GPC3: variants seen among roughly 807,000 people sequenced by gnomAD.
The protein encoded by GPC3 is glypican-3.
GPC3 carries 3 observed loss-of-function variants against 34.4 expected under a neutral mutation model. The observed-to-expected ratio is 0.09, with a 90% confidence interval of 0.04 to 0.23. GPC3 has a LOEUF of 0.23. GPC3 is among the 10% of genes least tolerant of loss of function. The pLI is 1.00. For missense variants in GPC3, 351 were observed against 445.6 expected, an observed-to-expected ratio of 0.79 and a Z score of 1.91; for synonymous variants, 177 against 174.0, an observed-to-expected ratio of 1.02 and a Z score of -0.13.
intron 7 of GPC3, among the ~76,000 whole-genome samples, chrX:133,584,833 G>A (rs769683733): frequency 9.3e-6 from 1 of 107,772 alleles, no homozygotes; most frequent in South Asian, 4.2e-4. Flanking sequence ...GTCCACCAAT[G>A]AGCTACAAAT....
intron 5 of GPC3, among the ~76,000 whole-genome samples, chrX:133,665,059 A>AT (rs1682932924): frequency 8.9e-6 from 1 of 112,069 alleles, no homozygotes; most frequent in South Asian, 3.7e-4. Context: ...TGCCTTACTG[A>AT]TTAACAGTAA....
intron 5 of GPC3, among the ~76,000 whole-genome samples, chrX:133,663,685 T>C (rs2070745438): frequency 9.0e-6 from 1 of 111,721 alleles, no homozygotes; most frequent in African/African-American, 3.3e-5. Flanking sequence ...TGAATTTCAA[T>C]TTTCAGTCAC....
chrX:133,562,187 C>T (rs1310172961), intron 7 of GPC3, among the ~76,000 whole-genome samples: 1 of 111,254 alleles, frequency 9.0e-6, no homozygotes, highest in East Asian at 2.8e-4. Flanking sequence ...TGTTTGGGTA[C>T]CTTGGAATAT....
chrX:133,869,274 C>CAA (rs1166418384), intron 2 of GPC3, among the ~76,000 whole-genome samples: 2 of 111,910 alleles, frequency 1.8e-5, no homozygotes, highest in Non-Finnish European at 3.8e-5. Flanking sequence ...ATGTTGCTCA[C>CAA]AAAAAGAGTC....
At chrX:133,863,789 G>C (rs1401445617) in intron 2 of GPC3, among the ~76,000 whole-genome samples, 3 of 102,648 alleles carry the variant, frequency 2.9e-5, no homozygotes, top group South Asian at 9.1e-4. Context: ...CCGAGTAGCT[G>C]GGACTACAGG....
At chrX:133,654,711 C>CAAAAAAAAAAAAAA (rs200711396) in intron 6 of GPC3, among the ~76,000 whole-genome samples, 1 of 95,400 alleles carries the variant, frequency 1.0e-5, no homozygotes, top group African/African-American at 4.9e-5. Context: ...GACTCCGTCT[C>CAAAAAAAAAAAAAA]AAAAAACAAA....
intron 2 of GPC3, among the ~76,000 whole-genome samples, chrX:133,820,100 T>G (rs777572850): frequency 7.2e-5 from 8 of 111,717 alleles, no homozygotes; most frequent in African/African-American, 2.3e-4. Flanking sequence ...CAATAATAAC[T>G]TAGATGCCTG....
chrX:133,571,323 C>T lies in GPC3; in HGVS notation c.1573+25117G>A, dbSNP rs143676758. On this transcript the variant is annotated intron_variant, in intron 7 of 7. Coordinates refer to ENST00000370818, the MANE Select transcript of GPC3 (RefSeq NM_004484.4). ...ACTCACACTCAGCCATTGTGCTCTG[C>T]GCATTTAGGTTGGCTACTTTTTTTG... Among the ~76,000 whole-genome samples the T allele has an allele frequency of 6.5e-3, 732 of 111,985 alleles. 5 individuals carry two copies. The highest frequency in any genetic ancestry group is 0.018 in the Middle Eastern group (4 of 217).
chrX:133,778,717 C>T (rs1349620630), intron 2 of GPC3, among the ~76,000 whole-genome samples: 1 of 111,490 alleles, frequency 9.0e-6, no homozygotes, highest in Non-Finnish European at 1.9e-5. Flanking sequence ...AGGTTGTCTT[C>T]TTGACCTGGG....
intron 2 of GPC3, among the ~76,000 whole-genome samples, chrX:133,891,729 G>A (rs1253120336): frequency 9.4e-6 from 1 of 106,351 alleles, no homozygotes; most frequent in South Asian, 4.2e-4. Flanking sequence ...AGTTCAGGAG[G>A]TGGAGGCTGC....
chrX:133,646,448 T>C (rs1386818017), intron 6 of GPC3, among the ~76,000 whole-genome samples: 3 of 111,801 alleles, frequency 2.7e-5, no homozygotes, highest in African/African-American at 9.8e-5. Flanking sequence ...GGGGGAGGTA[T>C]GCCAAAGATT....
intron 5 of GPC3, among the ~76,000 whole-genome samples, chrX:133,670,779 C>T (rs1160831634): frequency 3.6e-5 from 4 of 112,092 alleles, no homozygotes; most frequent in Non-Finnish European, 5.6e-5. Context: ...CCTAAGAAAA[C>T]GTCCTTTTCT....
At position 133,693,156 on chromosome X, in the gene GPC3, AGTGTGTGTGTGT is replaced by A. The variant is rs57735935; in HGVS notation, c.1167-674_1167-663del. ...TTTTTGTGCTACATATAATAAGACA[AGTGTGTGTGTGT>A]GTGTGTGTGTGTGTGTGTGTGTGTG... On this transcript the variant is annotated intron_variant, in intron 4 of 7. Coordinates refer to ENST00000370818, the MANE Select transcript of GPC3 (RefSeq NM_004484.4). Among the ~76,000 whole-genome samples, 444 of 89,383 alleles carry A rather than the reference AGTGTGTGTGTGT, an allele frequency of 5.0e-3. 2 individuals are homozygous for A. Among genetic ancestry groups the A allele is most frequent in the African/African-American group, 0.015 (382 of 24,735 alleles). The allele number at this position is 89,383 out of a possible 115,157, so 77.6% of individuals were successfully genotyped here. A position where few individuals can be genotyped will look rare whatever the true frequency, so the allele number is the denominator to read the frequency against.
intron 2 of GPC3, among the ~76,000 whole-genome samples, chrX:133,944,973 T>C (rs183211987): frequency 1.1e-3 from 120 of 111,706 alleles, no homozygotes; most frequent in African/African-American, 3.1e-3. Flanking sequence ...CCAGACCACA[T>C]AGCCATCACA....
chrX:133,763,799 G>A (rs1371569700), intron 2 of GPC3: 2 of 422,638 alleles, frequency 4.7e-6, no homozygotes, highest in Non-Finnish European at 8.4e-6. Context: ...CAGAGAAAAG[G>A]GAATGCCTAT....
At chrX:133,971,335 T>G (rs1220118631) in intron 1 of GPC3, among the ~76,000 whole-genome samples, 3 of 112,074 alleles carry the variant, frequency 2.7e-5, no homozygotes. Context: ...ATTTTAGGGC[T>G]CTTCATTTTC....
At position 133,709,693 on chromosome X, in the gene GPC3, CAA is replaced by C. The variant is rs765057748; in HGVS notation, c.1033-9667_1033-9666del. On this transcript the variant is annotated intron_variant, in intron 3 of 7. Transcript: ENST00000370818. ...ACTGATTTAAATCTGCCACACTACT[CAA>C]CTGATTGCACTGCTTCCACAAACTG... Among the ~76,000 whole-genome samples, 439 of 112,021 alleles carry C rather than the reference CAA, an allele frequency of 3.9e-3. 3 individuals carry two copies. The highest frequency in any genetic ancestry group is 0.013 in the African/African-American group (416 of 30,903).
intron 6 of GPC3, among the ~76,000 whole-genome samples, chrX:133,606,129 A>T (rs931521438): frequency 8.9e-6 from 1 of 112,473 alleles, no homozygotes; most frequent in Non-Finnish European, 1.9e-5. Context: ...AAACAAACAA[A>T]CAATCAAAAC....
intron 1 of GPC3, among the ~76,000 whole-genome samples, chrX:133,954,897 G>A (rs1393754662): frequency 9.1e-6 from 1 of 109,407 alleles, no homozygotes; most frequent in Non-Finnish European, 1.9e-5. Context: ...ACAGGCATCT[G>A]CCACCACGCC....
Sources: allele counts gnomAD v4.1 joint callset (sites outside exome capture counted in the v4.1 genomes callset), GRCh38; gene constraint gnomAD v4.1.1; transcripts MANE v1.5; gene names NCBI Gene and HGNC (gene_info 2026-07-23, HGNC 2026-07-21).